WWTR1: variants seen among roughly 807,000 people sequenced by gnomAD.
WWTR1 encodes WW domain containing transcription regulator 1.
WWTR1 carries 13 observed loss-of-function variants against 40.1 expected under a neutral mutation model. The observed-to-expected ratio is 0.32, with a 90% CI of 0.21 to 0.52. The LOEUF (loss-of-function observed/expected upper bound fraction) is 0.52, where lower values mean the gene tolerates loss of function less well. Among genes scored for constraint, WWTR1 ranks in the 20% least tolerant of loss-of-function variants. The probability of loss-of-function intolerance (pLI) is 0.97; values close to 1 mark genes in which losing one functional copy is unlikely to be tolerated. For synonymous variants in WWTR1, 230 were observed against 210.1 expected, an observed-to-expected ratio of 1.09 and a Z score of -0.82; for missense variants, 436 against 523.1, an observed-to-expected ratio of 0.83 and a Z score of 1.63.
intron 3 of WWTR1, among the ~76,000 whole-genome samples, chr3:149,560,215 G>A (rs956711402): frequency 7.9e-5 from 12 of 152,202 alleles, no homozygotes; most frequent in African/African-American, 2.9e-4. Flanking sequence ...TCAGGCGAAA[G>A]CCATCTGATT....
intron 4 of WWTR1, among the ~76,000 whole-genome samples, chr3:149,719,296 G>A (rs1434656910): frequency 2.0e-5 from 3 of 151,748 alleles, no homozygotes. Context: ...TCAGCCTCCT[G>A]AGTAGCTGGG....
At chr3:149,635,997 C>T (rs951706114) in intron 2 of WWTR1, among the ~76,000 whole-genome samples, 4 of 152,086 alleles carry the variant, frequency 2.6e-5, no homozygotes, top group Non-Finnish European at 2.9e-5. Context: ...AATCTTGGGT[C>T]TGTGTGATCT....
chr3:149,526,819 G>C (rs1410757406), intron 5 of WWTR1, among the ~76,000 whole-genome samples: 1 of 152,178 alleles, frequency 6.6e-6, no homozygotes, highest in Non-Finnish European at 1.5e-5. Flanking sequence ...GTCTCTGCAA[G>C]GGCAGAATAA....
intron 2 of WWTR1, among the ~76,000 whole-genome samples, chr3:149,643,359 G>C (rs943014179): frequency 2.2e-4 from 33 of 152,280 alleles, no homozygotes; most frequent in Middle Eastern, 3.4e-3. Context: ...ACGTGTGCCA[G>C]CAATAACAGT....
intron 2 of WWTR1, among the ~76,000 whole-genome samples, chr3:149,666,563 A>G (rs1311425858): frequency 1.3e-5 from 2 of 152,212 alleles, no homozygotes; most frequent in African/African-American, 4.8e-5. Flanking sequence ...CAACTATGGC[A>G]ATAATAATAA....
At position 149,674,767 on chromosome 3, in the gene WWTR1, T is replaced by G. The variant is rs547216043; in HGVS notation, c.-107-4876A>C. Among the ~76,000 whole-genome samples, 178 of 152,230 alleles carry G rather than the reference T, an allele frequency of 1.2e-3. 2 individuals carry two copies. The highest frequency in any genetic ancestry group is 3.5e-3 in the African/African-American group (146 of 41,552). ...CCTTTGGTTAAGCAAAAGAGGTGTT[T>G]AGCTAAGACCACACGTCCATGTTTT... On this transcript the variant is annotated intron_variant, in intron 1 of 7. Coordinates refer to the WWTR1 transcript ENST00000465804.
intron 3 of WWTR1, among the ~76,000 whole-genome samples, chr3:149,562,655 A>C (rs935911291): frequency 3.7e-5 from 5 of 136,586 alleles, no homozygotes; most frequent in Non-Finnish European, 6.2e-5. Context: ...ACAAAGGGGG[A>C]GGGGTGATCT....
rs145854644 is a variant in WWTR1, at chr3:149,718,727, T to C, written n.460-1161A>G. Among the ~76,000 whole-genome samples the C allele has an allele frequency of 3.2e-3, 493 of 152,336 alleles. 7 individuals are homozygous for C. Among genetic ancestry groups the C allele is most frequent in the Non-Finnish European group, 5.4e-3 (368 of 68,026 alleles). On this transcript the variant is annotated intron_variant and non_coding_transcript_variant, in intron 4 of 6. Coordinates refer to the WWTR1 transcript ENST00000474080. The stretch of plus-strand genomic sequence containing the variant: ...AGTACTTCATAAAAGTGGGATCATA[T>C]AGTATTTGTTGTTTTGTGACTGGCT...
intron 2 of WWTR1, among the ~76,000 whole-genome samples, chr3:149,626,940 C>T (rs1189365085): frequency 6.6e-6 from 1 of 152,042 alleles, no homozygotes; most frequent in Non-Finnish European, 1.5e-5. Context: ...TCCTGCCCAC[C>T]GTGCCACTCC....
intron 2 of WWTR1, among the ~76,000 whole-genome samples, chr3:149,621,574 T>C (rs1740273366): frequency 6.6e-6 from 1 of 152,168 alleles, no homozygotes; most frequent in East Asian, 1.9e-4. Flanking sequence ...CTCCTTTCAC[T>C]AGCAATCTTT....
intron 2 of WWTR1, among the ~76,000 whole-genome samples, chr3:149,610,771 A>T (rs1739700290): frequency 6.6e-6 from 1 of 152,194 alleles, no homozygotes; most frequent in Non-Finnish European, 1.5e-5. Flanking sequence ...TTTGTCAAAC[A>T]TCAACTGAAC....
chr3:149,662,571 T>C (rs1713633369), upstream of WWTR1, among the ~76,000 whole-genome samples: 1 of 152,164 alleles, frequency 6.6e-6, no homozygotes, highest in South Asian at 2.1e-4. Flanking sequence ...CATGCTTCCC[T>C]TCCCACTCTC....
At chr3:149,602,955 C>A (rs774975496) in intron 2 of WWTR1, among the ~76,000 whole-genome samples, 1 of 151,686 alleles carries the variant, frequency 6.6e-6, no homozygotes, top group South Asian at 2.1e-4. Context: ...CCACTGTGCC[C>A]GGCCAGAAAA....
At chr3:149,586,078 CAAAAATATG>C (rs1359624352) in intron 2 of WWTR1, among the ~76,000 whole-genome samples, 1 of 152,102 alleles carries the variant, frequency 6.6e-6, no homozygotes, top group African/African-American at 2.4e-5. Context: ...TAACAAAGTA[CAAAAATATG>C]TACCTGTTTC....
At chr3:149,629,356 T>C (rs1195829326) in intron 2 of WWTR1, among the ~76,000 whole-genome samples, 1 of 152,208 alleles carries the variant, frequency 6.6e-6, no homozygotes, top group Non-Finnish European at 1.5e-5. Context: ...TTAGGATACT[T>C]ATATACCCTT....
At chr3:149,616,090 G>T (rs998362847) in intron 2 of WWTR1, among the ~76,000 whole-genome samples, 1 of 152,044 alleles carries the variant, frequency 6.6e-6, no homozygotes, top group Admixed American at 6.6e-5. Flanking sequence ...TTCCAACAAG[G>T]TTCAAATAAG....
intron 2 of WWTR1, chr3:149,649,004 T>G (rs2108144113): frequency 6.6e-6 from 1 of 152,328 alleles, no homozygotes; most frequent in Non-Finnish European, 1.5e-5. Context: ...TATTTTTTAT[T>G]TTTTTGAGGC....
chr3:149,626,851 C>T (rs578208342), intron 2 of WWTR1, among the ~76,000 whole-genome samples: 1 of 152,150 alleles, frequency 6.6e-6, no homozygotes, highest in African/African-American at 2.4e-5. Flanking sequence ...ACACCTACTC[C>T]GTCCTGAGGC....
chr3:149,599,994 A>G (rs1341733058), intron 2 of WWTR1, among the ~76,000 whole-genome samples: 4 of 152,234 alleles, frequency 2.6e-5, no homozygotes, highest in African/African-American at 9.7e-5. Context: ...AAAACAATAC[A>G]ATGATACAGT....
Sources: gnomAD v4.1 joint callset for allele counts (sites outside exome capture counted in the v4.1 genomes callset) on GRCh38, gnomAD v4.1.1 for gene constraint, MANE v1.5 for transcripts, NCBI Gene and HGNC (gene_info 2026-07-23, HGNC 2026-07-21) for gene names.